NTM: variants seen among roughly 807,000 people sequenced by gnomAD.
NTM encodes the protein IgLON family member 2.
A neutral mutation model predicts 42.1 loss-of-function variants in NTM; 13 were observed. The observed-to-expected ratio is 0.31, with a 90% CI of 0.20 to 0.49. NTM has a LOEUF of 0.49. Among genes scored for constraint, NTM ranks in the 20% least tolerant of loss-of-function variants. The pLI is 0.99. For missense variants in NTM, 373 were observed against 452.8 expected (o/e 0.82, Z 1.60); for synonymous variants, 187 against 179.2 (o/e 1.04, Z -0.35).
chr11:131,605,890 T>G (rs2060909768), intron 1 of NTM: 2 of 982,460 alleles, frequency 2.0e-6, no homozygotes, highest in African/African-American at 3.5e-5. Context: ...CCCCACTCTA[T>G]TAATCATTGT....
At chr11:132,174,516 G>A (rs1450186422) in intron 3 of NTM, among the ~76,000 whole-genome samples, 1 of 152,186 alleles carries the variant, frequency 6.6e-6, no homozygotes, top group African/African-American at 2.4e-5. Flanking sequence ...GCTGGGTGAG[G>A]AGCGGACTAT....
chr11:132,102,210 T>C (rs978526520), intron 2 of NTM, among the ~76,000 whole-genome samples: 2 of 152,262 alleles, frequency 1.3e-5, no homozygotes, highest in Non-Finnish European at 2.9e-5. Context: ...TATGACTTTT[T>C]CTGTCTTCTG....
chr11:131,503,134 G>T (rs4937635), intron 1 of NTM, among the ~76,000 whole-genome samples: 9,939 of 152,278 alleles, frequency 0.065, 391 homozygotes, highest in South Asian at 0.14. Flanking sequence ...TGTGTGCAGA[G>T]TGTGCATGCC....
At chr11:131,969,109 T>C (rs1565848140) in intron 2 of NTM, among the ~76,000 whole-genome samples, 1 of 152,240 alleles carries the variant, frequency 6.6e-6, no homozygotes, top group Non-Finnish European at 1.5e-5. Flanking sequence ...GATGGTAGGC[T>C]GCTTAAGGAA....
chr11:131,678,057 T>C (rs758100458), intron 1 of NTM, among the ~76,000 whole-genome samples: 1 of 152,214 alleles, frequency 6.6e-6, no homozygotes, highest in Admixed American at 6.5e-5. Flanking sequence ...ATTTACTGAC[T>C]TGATGAAGTG....
intron 1 of NTM, among the ~76,000 whole-genome samples, chr11:131,502,097 G>A (rs771678990): frequency 1.3e-5 from 2 of 152,158 alleles, no homozygotes; most frequent in Non-Finnish European, 2.9e-5. Context: ...CACAGAGAGA[G>A]TGTGGAGACA....
chr11:131,507,532 T>A (rs1232082538), intron 1 of NTM, among the ~76,000 whole-genome samples: 1 of 152,132 alleles, frequency 6.6e-6, no homozygotes, highest in Non-Finnish European at 1.5e-5. Flanking sequence ...ATTGACTTGG[T>A]GATGCGGGCT....
intron 4 of NTM, among the ~76,000 whole-genome samples, chr11:132,265,091 G>A (rs546242554): frequency 2.1e-4 from 32 of 152,316 alleles, no homozygotes; most frequent in African/African-American, 7.7e-4. Flanking sequence ...AGCTGCATGT[G>A]TACCAGCTAT....
At chr11:131,541,919 C>G (rs950026380) in intron 1 of NTM, among the ~76,000 whole-genome samples, 1 of 152,176 alleles carries the variant, frequency 6.6e-6, no homozygotes, top group East Asian at 1.9e-4. Flanking sequence ...TCTCTTTATA[C>G]ACAGGCTCAA....
At chr11:131,965,947 A>G (rs2062778507) in intron 2 of NTM, among the ~76,000 whole-genome samples, 1 of 132,958 alleles carries the variant, frequency 7.5e-6, no homozygotes, top group Non-Finnish European at 1.6e-5. Flanking sequence ...AGGGGGAAGG[A>G]AAGGAGGGAG....
chr11:131,513,530 A>G (rs1396206359), intron 1 of NTM, among the ~76,000 whole-genome samples: 1 of 152,222 alleles, frequency 6.6e-6, no homozygotes, highest in African/African-American at 2.4e-5. Context: ...TTTCTTGGAG[A>G]CAGGATTAAG....
intron 2 of NTM, among the ~76,000 whole-genome samples, chr11:132,058,629 C>G (rs2080114086): frequency 2.0e-5 from 3 of 152,156 alleles, no homozygotes; most frequent in Admixed American, 2.0e-4. Flanking sequence ...TAGTATGTTT[C>G]TCTTCCCTTA....
At chr11:131,449,981 G>C (rs573546811) in intron 1 of NTM, among the ~76,000 whole-genome samples, 1 of 152,294 alleles carries the variant, frequency 6.6e-6, no homozygotes, top group Admixed American at 6.5e-5. Context: ...CCTGGAATCT[G>C]AGATGTCCCA....
chr11:131,722,327 G>GT lies in NTM; in HGVS notation c.83-189236dup, dbSNP rs1424891743. On this transcript the variant is annotated intron_variant, in intron 1 of 8. Transcript: ENST00000683400. ...GCCATTTTCCCCCAGACCATAATCA[G>GT]TAAGAGTGAACTATTTGGCTTGCAA... Among the ~76,000 whole-genome samples the GT allele has an allele frequency of 3.3e-5, 5 of 152,166 alleles. No individual in the cohort carries two copies. In the South Asian group the frequency reaches 1.0e-3, roughly 32 times the overall value.
At chr11:132,126,985 T>A (rs1392258806) in intron 2 of NTM, among the ~76,000 whole-genome samples, 1 of 152,218 alleles carries the variant, frequency 6.6e-6, no homozygotes, top group Non-Finnish European at 1.5e-5. Context: ...GGCCTTATTG[T>A]CAGTCTTTTT....
intron 3 of NTM, among the ~76,000 whole-genome samples, chr11:132,153,725 C>T (rs2072512251): frequency 6.6e-6 from 1 of 152,170 alleles, no homozygotes; most frequent in African/African-American, 2.4e-5. Flanking sequence ...ACTCTACTGA[C>T]CCTGTTGAAT....
chr11:131,975,741 G>A (rs1466149251), intron 2 of NTM, among the ~76,000 whole-genome samples: 1 of 152,048 alleles, frequency 6.6e-6, no homozygotes, highest in African/African-American at 2.4e-5. Flanking sequence ...GGTTGGATTC[G>A]AGAGTCCTCA....
At chr11:131,883,634 G>C (rs1565675150) in intron 1 of NTM, among the ~76,000 whole-genome samples, 1 of 152,280 alleles carries the variant, frequency 6.6e-6, no homozygotes, top group Non-Finnish European at 1.5e-5. Context: ...CAGTTGGTTT[G>C]ACCCCCATAC....
intron 2 of NTM, among the ~76,000 whole-genome samples, chr11:132,074,391 A>T (rs182471956): frequency 6.6e-6 from 1 of 152,288 alleles, no homozygotes; most frequent in African/African-American, 2.4e-5. Flanking sequence ...TGATATCTGG[A>T]TCCTTTTATA....
Sources: gnomAD v4.1 joint callset for allele counts (sites outside exome capture counted in the v4.1 genomes callset) on GRCh38, gnomAD v4.1.1 for gene constraint, MANE v1.5 for transcripts, NCBI Gene and HGNC (gene_info 2026-07-23, HGNC 2026-07-21) for gene names.